Variants in SCN2A observed in about 807,000 individuals in gnomAD.
The protein encoded by SCN2A is sodium channel protein type 2 subunit alpha.
Under a neutral mutation model 188.7 loss-of-function variants are expected in SCN2A, and 20 were observed. That is an observed-to-expected ratio of 0.11 (90% CI 0.07 to 0.15). The LOEUF (loss-of-function observed/expected upper bound fraction) is 0.15, where lower values mean the gene tolerates loss of function less well. Ranked by LOEUF, SCN2A falls within the 10% of genes least tolerant of loss-of-function variation. SCN2A has a pLI of 1.00. For synonymous variants in SCN2A, 804 were observed against 833.1 expected (o/e 0.97, Z 0.60); for missense variants, 1,278 against 2,445.0 (o/e 0.52, Z 10.07).
At chr2:165,287,656 G>A (rs1695912296) in intron 1 of SCN2A, among the ~76,000 whole-genome samples, 1 of 152,090 alleles carries the variant, frequency 6.6e-6, no homozygotes, top group Non-Finnish European at 1.5e-5. Context: ...CTACTGCCTT[G>A]CTCATGTCTG....
At position 165,249,344 on chromosome 2, in the gene SCN2A, A is replaced by G. The variant is rs1441843276; in HGVS notation, c.-52+9704A>G. On this transcript the variant is annotated intron_variant, in intron 1 of 26. Coordinates refer to ENST00000375437, the MANE Select transcript of SCN2A (RefSeq NM_001040142.2). ...CCGTGTGGAGCAAAGCACTGGTCTC[A>G]TTTTACAGATGTGATAAAGCTAGTT... Among the ~76,000 whole-genome samples the G allele has an allele frequency of 2.6e-5, 4 of 152,120 alleles. No homozygotes were observed. The East Asian group carries it at 7.7e-4, about 29-fold the overall frequency.
chr2:165,332,382 G>C (rs1419293010), intron 14 of SCN2A, among the ~76,000 whole-genome samples: 2 of 151,928 alleles, frequency 1.3e-5, no homozygotes, highest in Non-Finnish European at 2.9e-5. Context: ...TGATAAAGTT[G>C]GCATATGTTG....
At chr2:165,276,972 G>A (rs1182732997) in intron 1 of SCN2A, among the ~76,000 whole-genome samples, 5 of 152,086 alleles carry the variant, frequency 3.3e-5, no homozygotes, top group African/African-American at 1.2e-4. Context: ...TCAGGAGATG[G>A]AGACCATCCT....
chr2:165,367,884 G>A (rs1277472129), intron 19 of SCN2A, among the ~76,000 whole-genome samples: 4 of 152,140 alleles, frequency 2.6e-5, no homozygotes, highest in Admixed American at 2.6e-4. Flanking sequence ...GGCCCCACAG[G>A]AGCGTCTAGG....
intron 3 of SCN2A, among the ~76,000 whole-genome samples, chr2:165,300,285 C>T (rs948339569): frequency 6.6e-6 from 1 of 152,078 alleles, no homozygotes; most frequent in African/African-American, 2.4e-5. Flanking sequence ...TGAGTATCTA[C>T]CATGTGGTAG....
chr2:165,358,754 A>ATTTG (rs1700304517), intron 17 of SCN2A, among the ~76,000 whole-genome samples: 1 of 152,148 alleles, frequency 6.6e-6, no homozygotes, highest in East Asian at 1.9e-4. Context: ...ATATTATTTA[A>ATTTG]ATTTATCATG....
intron 13 of SCN2A, among the ~76,000 whole-genome samples, chr2:165,329,171 C>T (rs926983882): frequency 9.2e-5 from 14 of 151,976 alleles, no homozygotes; most frequent in Non-Finnish European, 1.9e-4. Context: ...TAACTACAGC[C>T]AAGTCTCCGT....
At chr2:165,261,255 A>G (rs970964668) in intron 1 of SCN2A, among the ~76,000 whole-genome samples, 3 of 152,228 alleles carry the variant, frequency 2.0e-5, no homozygotes, top group Non-Finnish European at 4.4e-5. Context: ...TCTAAATTCC[A>G]TAATTCTCAA....
intron 11 of SCN2A, among the ~76,000 whole-genome samples, chr2:165,316,788 A>T (rs1301423710): frequency 6.6e-6 from 1 of 152,176 alleles, no homozygotes; most frequent in Non-Finnish European, 1.5e-5. Flanking sequence ...ACAGTTCTGT[A>T]GAATAGTATT....
chr2:165,364,874 G>A (rs1274217695), intron 17 of SCN2A, among the ~76,000 whole-genome samples: 1 of 152,066 alleles, frequency 6.6e-6, no homozygotes, highest in Non-Finnish European at 1.5e-5. Flanking sequence ...CTTTCTGCAG[G>A]ATTTTCTTTC....
chr2:165,342,923 G>A (rs1382403526), intron 15 of SCN2A, among the ~76,000 whole-genome samples: 1 of 152,098 alleles, frequency 6.6e-6, no homozygotes, highest in East Asian at 1.9e-4. Flanking sequence ...GTGTACAAAG[G>A]AGAAGGATAA....
At chr2:165,298,981 CG>C (rs949309626) in intron 3 of SCN2A, among the ~76,000 whole-genome samples, 1 of 151,972 alleles carries the variant, frequency 6.6e-6, no homozygotes, top group Non-Finnish European at 1.5e-5. Flanking sequence ...TCTTTCTTGT[CG>C]TGCATCTGAA....
intron 19 of SCN2A, among the ~76,000 whole-genome samples, chr2:165,368,976 A>AGT (rs1290926516): frequency 2.0e-5 from 3 of 152,008 alleles, no homozygotes; most frequent in Non-Finnish European, 4.4e-5. Context: ...CCCAGGCTGG[A>AGT]GTGCAGTGGT....
chr2:165,262,606 A>C (rs1029015306), intron 1 of SCN2A, among the ~76,000 whole-genome samples: 2 of 151,974 alleles, frequency 1.3e-5, no homozygotes, highest in Admixed American at 1.3e-4. Flanking sequence ...ATAATTATAT[A>C]TGTATATACA....
At chr2:165,380,980 A>G (rs774004612) in intron 24 of SCN2A, 113 bp from the exon 25 acceptor site, 1 of 766,118 alleles carries the variant, frequency 1.3e-6, no homozygotes, top group South Asian at 1.7e-5. Flanking sequence ...ATAAATACAG[A>G]TATTAGTAAC....
intron 2 of SCN2A, 122 bp downstream of exon 2, chr2:165,296,212 G>A: frequency 1.0e-6 from 1 of 954,232 alleles, no homozygotes; most frequent in South Asian, 1.3e-5. Context: ...TAAGATGCTG[G>A]ATGGGCCTGA....
chr2:165,265,781 C>A (rs901177392), intron 1 of SCN2A, among the ~76,000 whole-genome samples: 38 of 150,706 alleles, frequency 2.5e-4, no homozygotes, highest in Admixed American at 2.5e-3. Flanking sequence ...ATTATTATTT[C>A]TTTTTTATTA....
chr2:165,343,821 TTTAAGTA>T (rs995433932), intron 15 of SCN2A, among the ~76,000 whole-genome samples: 7 of 118,660 alleles, frequency 5.9e-5, no homozygotes, highest in South Asian at 2.8e-4. Flanking sequence ...TTTACTTAAG[TTTAAGTA>T]TTTTTGTATT....
intron 13 of SCN2A, 148 bp downstream of exon 13, chr2:165,327,132 A>T: frequency 2.0e-6 from 2 of 988,276 alleles, no homozygotes; most frequent in Non-Finnish European, 3.0e-6. Context: ...TGCATAACTC[A>T]TGGATTCTAT....
Sources: gnomAD v4.1 joint callset for allele counts (sites outside exome capture counted in the v4.1 genomes callset) on GRCh38, gnomAD v4.1.1 for gene constraint, MANE v1.5 for transcripts, NCBI Gene and HGNC (gene_info 2026-07-23, HGNC 2026-07-21) for gene names.